The following PLEKHG1 variants were observed in gnomAD, a reference collection of about 807,000 sequenced individuals.
The protein encoded by PLEKHG1 is pleckstrin homology and RhoGEF domain containing G1.
PLEKHG1 carries 44 observed loss-of-function variants against 100.8 expected under a neutral mutation model. The ratio of observed to expected loss-of-function variants is 0.44; its 90% CI spans 0.34 to 0.56. The LOEUF is 0.56. PLEKHG1 is among the 20% of genes least tolerant of loss of function. PLEKHG1 has a pLI of 0.01. For synonymous variants in PLEKHG1, 640 were observed against 662.5 expected (o/e 0.97, Z 0.52); for missense variants, 1,545 against 1,720.9 (o/e 0.90, Z 1.81).
At chr6:150,656,488 A>G (rs1387733923) in intron 3 of PLEKHG1, among the ~76,000 whole-genome samples, 1 of 152,048 alleles carries the variant, frequency 6.6e-6, no homozygotes, top group African/African-American at 2.4e-5. Context: ...AGTAAGGTTA[A>G]TTGGTTTCTG....
upstream of PLEKHG1, among the ~76,000 whole-genome samples, chr6:150,717,638 G>A (rs1344160945): frequency 1.3e-5 from 2 of 152,196 alleles, no homozygotes; most frequent in Non-Finnish European, 2.9e-5. Context: ...ACTCCAGGTG[G>A]GGACACTGGG....
intron 4 of PLEKHG1, among the ~76,000 whole-genome samples, chr6:150,794,432 A>G (rs927863161): frequency 1.3e-4 from 20 of 152,148 alleles, no homozygotes; most frequent in African/African-American, 4.8e-4. Flanking sequence ...TTGAGAGGCC[A>G]AGGCCGGTGG....
intron 14 of PLEKHG1, among the ~76,000 whole-genome samples, chr6:150,829,883 C>G (rs553842819): frequency 3.5e-4 from 53 of 152,150 alleles, no homozygotes; most frequent in African/African-American, 1.2e-3. Context: ...AGGGGCTTTT[C>G]GTATACCAGA....
chr6:150,763,024 CTTTTTT>C (rs60462437), intron 2 of PLEKHG1, among the ~76,000 whole-genome samples: 1 of 76,530 alleles, frequency 1.3e-5, no homozygotes. Flanking sequence ...GATAAAGCTT[CTTTTTT>C]TTTTTTTTTT....
At chr6:150,840,481 T>C (rs1777469119) in exon 16 of PLEKHG1, 1 of 1,614,068 alleles carries the variant, frequency 6.2e-7, no homozygotes. Flanking sequence ...TCACAGAAAG[T>C]TGTGGTGGTC....
chr6:150,837,239 A>G (rs1777276203), intron 15 of PLEKHG1, among the ~76,000 whole-genome samples: 1 of 152,044 alleles, frequency 6.6e-6, no homozygotes, highest in Admixed American at 6.5e-5. Flanking sequence ...GTGTGTCTGC[A>G]TGTGTGTGTG....
intron 4 of PLEKHG1, among the ~76,000 whole-genome samples, chr6:150,792,117 A>G (rs9371197): frequency 0.68 from 103,337 of 152,068 alleles, 35,551 homozygotes; most frequent in East Asian, 0.96. Flanking sequence ...GTGTTAGTAT[A>G]AACTAAAGTT....
intron 3 of PLEKHG1, among the ~76,000 whole-genome samples, chr6:150,693,086 G>A (rs962929038): frequency 1.8e-4 from 27 of 152,070 alleles, no homozygotes; most frequent in African/African-American, 5.8e-4. Context: ...TCAGGAGTTC[G>A]AAACCAGCCT....
chr6:150,610,952 G>A (rs1428960783), intron 1 of PLEKHG1, among the ~76,000 whole-genome samples: 1 of 152,182 alleles, frequency 6.6e-6, no homozygotes, highest in Non-Finnish European at 1.5e-5. Flanking sequence ...AACCATTTGA[G>A]TGTTAGGCAT....
At chr6:150,635,702 A>G (rs916222922) in intron 1 of PLEKHG1, among the ~76,000 whole-genome samples, 1 of 152,214 alleles carries the variant, frequency 6.6e-6, no homozygotes, top group Non-Finnish European at 1.5e-5. Flanking sequence ...TGATTTAACA[A>G]CTTTTCAGGG....
chr6:150,810,638 G>A (rs1314788402), intron 10 of PLEKHG1, among the ~76,000 whole-genome samples: 2 of 151,966 alleles, frequency 1.3e-5, no homozygotes, highest in Admixed American at 1.3e-4. Context: ...ACTCACATGG[G>A]GCCAGGCACA....
intron 2 of PLEKHG1, among the ~76,000 whole-genome samples, chr6:150,743,038 T>A (rs1325572571): frequency 6.6e-6 from 1 of 152,168 alleles, no homozygotes; most frequent in East Asian, 1.9e-4. Context: ...CCAATGAGAA[T>A]CTTGTTACCT....
At chr6:150,734,534 T>C (rs753322879) in intron 2 of PLEKHG1, among the ~76,000 whole-genome samples, 2 of 152,302 alleles carry the variant, frequency 1.3e-5, no homozygotes, top group South Asian at 4.1e-4. Flanking sequence ...GTGAATCTCA[T>C]ACTCAGCAAC....
Position 150,702,443 on chromosome 6 carries a change from C to T in PLEKHG1, c.-98-31141C>T, listed in dbSNP as rs572253997. ...CAAGATCATGCCATTGCACTCCAGC[C>T]AGGGTGACAGAGCAAGACTCCGTCT... is the stretch of plus-strand genomic sequence containing the variant. On this transcript the variant is annotated intron_variant, in intron 3 of 3. Coordinates refer to the PLEKHG1 transcript ENST00000367326. Among the ~76,000 whole-genome samples the T allele has an allele frequency of 2.0e-3, 305 of 151,258 alleles. 1 individual carries two copies. The highest frequency in any genetic ancestry group is 7.3e-3 in the African/African-American group (299 of 41,180).
At chr6:150,695,892 GACTA>G (rs1780525399) in intron 3 of PLEKHG1, among the ~76,000 whole-genome samples, 2 of 152,168 alleles carry the variant, frequency 1.3e-5, no homozygotes, top group Admixed American at 1.3e-4. Flanking sequence ...GCTGTGAAAT[GACTA>G]AGTAGATGTT....
At chr6:150,695,606 A>C (rs1780511270) in intron 3 of PLEKHG1, among the ~76,000 whole-genome samples, 1 of 152,246 alleles carries the variant, frequency 6.6e-6, no homozygotes, top group Non-Finnish European at 1.5e-5. Flanking sequence ...CGAATTACCC[A>C]TCTTTCAAAC....
At chr6:150,602,602 A>G (rs954385269) in intron 1 of PLEKHG1, among the ~76,000 whole-genome samples, 1 of 152,160 alleles carries the variant, frequency 6.6e-6, no homozygotes, top group East Asian at 1.9e-4. Context: ...CCCTTGTCTC[A>G]AGTTATGCCA....
chr6:150,663,963 A>G (rs1213811315), intron 3 of PLEKHG1: 1 of 152,194 alleles, frequency 6.6e-6, no homozygotes, highest in Non-Finnish European at 1.5e-5. Flanking sequence ...AACACTTTGT[A>G]CTGTGATAGC....
chr6:150,743,109 G>A (rs1782969505), intron 2 of PLEKHG1, among the ~76,000 whole-genome samples: 1 of 152,146 alleles, frequency 6.6e-6, no homozygotes, highest in Admixed American at 6.5e-5. Context: ...AAGAAGGTAG[G>A]AAACAATTTT....
Sources: gnomAD v4.1 joint callset for allele counts (sites outside exome capture counted in the v4.1 genomes callset) on GRCh38, gnomAD v4.1.1 for gene constraint, MANE v1.5 for transcripts, NCBI Gene and HGNC (gene_info 2026-07-23, HGNC 2026-07-21) for gene names.